Variants in MAP3K15 observed in about 807,000 individuals in gnomAD.
The protein encoded by MAP3K15 is MAPK/ERK kinase kinase 15.
In MAP3K15, 124 loss-of-function variants were observed where a neutral mutation model predicts 99.5. The observed-to-expected ratio is 1.25, with a 90% CI of 1.08 to 1.45. MAP3K15 has a LOEUF of 1.45. Ranked by LOEUF, MAP3K15 falls within the 40% of genes most tolerant of loss-of-function variation. The pLI is 0.00. For missense variants in MAP3K15, 1,242 were observed against 1,079.7 expected, an observed-to-expected ratio of 1.15 and a Z score of -2.11; for synonymous variants, 494 against 439.6, an observed-to-expected ratio of 1.12 and a Z score of -1.55.
chrX:19,486,768 A>G (rs1408801836), intron 2 of MAP3K15, among the ~76,000 whole-genome samples: 1 of 111,557 alleles, frequency 9.0e-6, no homozygotes, highest in Non-Finnish European at 1.9e-5. Flanking sequence ...GGGGGCATTT[A>G]TAAGGATTTC....
intron 25 of MAP3K15, among the ~76,000 whole-genome samples, chrX:19,367,365 G>A (rs955047295): frequency 9.2e-6 from 1 of 108,940 alleles, no homozygotes; most frequent in Admixed American, 9.8e-5. Flanking sequence ...AGCAACTAAT[G>A]GATACTAGGC....
chrX:19,436,699 C>CA (rs2063924789), intron 6 of MAP3K15, among the ~76,000 whole-genome samples: 1 of 111,356 alleles, frequency 9.0e-6, no homozygotes, highest in Non-Finnish European at 1.9e-5. Flanking sequence ...CCCCCTCAGA[C>CA]AGAGTCTCAA....
At chrX:19,482,414 G>T (rs918329526) in intron 3 of MAP3K15, 2 of 111,784 alleles carry the variant, frequency 1.8e-5, no homozygotes, top group Non-Finnish European at 3.8e-5. Flanking sequence ...AAAAAGGAAA[G>T]AACTACTGAT....
At chrX:19,508,748 G>A (rs1321886237) in intron 1 of MAP3K15, among the ~76,000 whole-genome samples, 1 of 109,264 alleles carries the variant, frequency 9.2e-6, no homozygotes, top group Non-Finnish European at 1.9e-5. Flanking sequence ...GCCAGGGGTG[G>A]TGACTCACAC....
intron 3 of MAP3K15, among the ~76,000 whole-genome samples, chrX:19,474,707 T>C (rs1259201558): frequency 9.0e-6 from 1 of 111,199 alleles, no homozygotes; most frequent in Non-Finnish European, 1.9e-5. Flanking sequence ...TCACAGACTT[T>C]TTCATATCAC....
At chrX:19,483,565 AGT>A (rs140310801) in intron 3 of MAP3K15, among the ~76,000 whole-genome samples, 50 of 105,744 alleles carry the variant, frequency 4.7e-4, no homozygotes, top group Middle Eastern at 9.8e-3. Context: ...ACTAACTATG[AGT>A]GTGTGTGTGT....
chrX:19,447,903 A>AAAAAAAAAAAAG (rs2064012421), intron 6 of MAP3K15, among the ~76,000 whole-genome samples: 1 of 96,200 alleles, frequency 1.0e-5, no homozygotes, highest in Non-Finnish European at 2.1e-5. Flanking sequence ...AAAAAAAAAA[A>AAAAAAAAAAAAG]AAGAAACCCA....
At position 19,373,673 on chromosome X, in the gene MAP3K15, C is replaced by T. The variant is rs778787511; in HGVS notation, c.2796G>A (p.Leu932=). Reference sequence around the variant, plus strand: ...TGGGCTCTCCCTGTGTGGGCAGGGCCAGGACGACACCGCGGGGACCTTCTG... The same window carrying T: ...TGGGCTCTCCCTGTGTGGGCAGGGCTAGGACGACACCGCGGGGACCTTCTG... ...KPSEGPRGVV[L]ALPTQGEPMA... is the part of the protein sequence containing the mutation. The change falls in exon 21 of 29, where the codon CTG becomes CTA. Residue 932 remains leucine, a synonymous_variant. Coordinates refer to ENST00000338883, the MANE Select transcript of MAP3K15 (RefSeq NM_001001671.4). 8.3e-7 allele frequency: 1 copy of T among 1,200,618 alleles called. No individual in the cohort carries two copies. The highest frequency in any genetic ancestry group is 1.8e-5 in the South Asian group (1 of 56,037).
At chrX:19,414,868 A>G (rs750485911) in intron 10 of MAP3K15, among the ~76,000 whole-genome samples, 10 of 111,977 alleles carry the variant, frequency 8.9e-5, no homozygotes, top group African/African-American at 3.2e-4. Context: ...GGACATTACC[A>G]GATGTACCTT....
chrX:19,413,896 GGA>G (rs1483184148), intron 10 of MAP3K15, among the ~76,000 whole-genome samples: 17 of 108,929 alleles, frequency 1.6e-4, no homozygotes, highest in African/African-American at 5.3e-4. Context: ...AAGAAAATCG[GGA>G]GAGAAGGAGG....
chrX:19,461,992 A>AACACACACACACACACACAC (rs66666219), intron 4 of MAP3K15, among the ~76,000 whole-genome samples: 1 of 100,600 alleles, frequency 9.9e-6, no homozygotes, highest in Non-Finnish European at 2.0e-5. Context: ...CTTGGTCTAA[A>AACACACACACACACACACAC]ACACACACAC....
intron 12 of MAP3K15, among the ~76,000 whole-genome samples, chrX:19,409,360 C>T (rs189187856): frequency 2.1e-3 from 237 of 111,886 alleles, no homozygotes; most frequent in Non-Finnish European, 3.0e-3. Context: ...CCAGTCTCAC[C>T]CTCGAATGAG....
At chrX:19,514,491 C>A (rs1476501439) in intron 1 of MAP3K15, among the ~76,000 whole-genome samples, 1 of 62,730 alleles carries the variant, frequency 1.6e-5, no homozygotes, top group Admixed American at 1.9e-4. Context: ...CTACCCTCCC[C>A]CAAAGGCAGG....
chrX:19,426,818 CAAAA>C (rs746106862), intron 7 of MAP3K15, among the ~76,000 whole-genome samples: 3 of 21,151 alleles, frequency 1.4e-4, no homozygotes, highest in Admixed American at 1.4e-3. Flanking sequence ...AATCTGTCTC[CAAAA>C]AAAAAAAAAA....
chrX:19,410,367 C>T (rs1423600278), intron 11 of MAP3K15, among the ~76,000 whole-genome samples: 1 of 112,248 alleles, frequency 8.9e-6, no homozygotes, highest in African/African-American at 3.2e-5. Context: ...CGACAGACAC[C>T]TTTCAGCATT....
intron 19 of MAP3K15, among the ~76,000 whole-genome samples, chrX:19,375,765 T>C (rs2063412636): frequency 8.9e-6 from 1 of 112,206 alleles, no homozygotes; most frequent in Non-Finnish European, 1.9e-5. Flanking sequence ...GGGCCAGGCC[T>C]CCCCACTTCC....
At chrX:19,380,334 G>A in intron 18 of MAP3K15, 57 bp from the exon 19 acceptor site, 1 of 1,157,365 alleles carries the variant, frequency 8.6e-7, no homozygotes, top group South Asian at 1.9e-5. Context: ...AAACTAAGTG[G>A]CCTGTAGTCC....
At chrX:19,415,337 C>A in intron 9 of MAP3K15, 80 bp from the exon 10 acceptor site, 7 of 906,926 alleles carry the variant, frequency 7.7e-6, no homozygotes, top group African/African-American at 2.0e-5. Context: ...AGAAGCTTTC[C>A]AAAAGCTTTT....
chrX:19,436,146 C>T (rs1251418161), intron 6 of MAP3K15, among the ~76,000 whole-genome samples: 25 of 93,894 alleles, frequency 2.7e-4, no homozygotes, highest in African/African-American at 9.7e-4. Context: ...AAGAGGGAAA[C>T]GCCATGTCAA....
Sources: gnomAD v4.1 joint callset for allele counts (sites outside exome capture counted in the v4.1 genomes callset) on GRCh38, gnomAD v4.1.1 for gene constraint, MANE v1.5 for transcripts, NCBI Gene and HGNC (gene_info 2026-07-23, HGNC 2026-07-21) for gene names.